The following EYS variants were observed in gnomAD, a reference collection of about 807,000 sequenced individuals.
EYS encodes protein eyes shut homolog.
In EYS, 250 loss-of-function variants were observed where a neutral mutation model predicts 282.1. The ratio of observed to expected loss-of-function variants is 0.89; its 90% confidence interval spans 0.80 to 0.98. The LOEUF (loss-of-function observed/expected upper bound fraction) is 0.98, where lower values mean the gene tolerates loss of function less well. EYS is among the 50% of genes least tolerant of loss of function. The probability of loss-of-function intolerance (pLI) is 0.00; values close to 1 mark genes in which losing one functional copy is unlikely to be tolerated. For synonymous variants in EYS, 1,355 were observed against 1,282.9 expected, an observed-to-expected ratio of 1.06 and a Z score of -1.20; for missense variants, 4,016 against 3,709.0, an observed-to-expected ratio of 1.08 and a Z score of -2.15.
chr6:65,207,832 A>T (rs1375687520), intron 12 of EYS, among the ~76,000 whole-genome samples: 1 of 151,692 alleles, frequency 6.6e-6, no homozygotes, highest in Non-Finnish European at 1.5e-5. Context: ...TACGTATAAC[A>T]ATGAAACTGG....
At chr6:64,395,809 AAAC>A (rs1773350755) in intron 28 of EYS, among the ~76,000 whole-genome samples, 1 of 152,050 alleles carries the variant, frequency 6.6e-6, no homozygotes, top group Non-Finnish European at 1.5e-5. Flanking sequence ...AAAAACAAAA[AAAC>A]AAAATAATAG....
rs1769270358 is a variant in EYS, at chr6:64,945,856, T to C, written c.2318A>G (p.Asn773Ser). Reference sequence around the variant, plus strand: ...CTTGCAAGGATTCATTTTACACTCATTGGATTCTTGTTCACAAAAATTTCC... The same window carrying C: ...CTTGCAAGGATTCATTTTACACTCACTGGATTCTTGTTCACAAAAATTTCC... ...WEGNFCEQES[N>S]ECKMNPCKNN... The change falls in exon 15 of 43, where the codon AAT (asparagine) becomes AGT (serine). Residue 773 changes from asparagine to serine, a missense_variant. Transcript: ENST00000503581. The C allele has an allele frequency of 7.7e-6, 12 of 1,549,366 alleles. No individual in the cohort carries two copies. In the East Asian group the frequency reaches 2.5e-4, roughly 32 times the overall value.
At chr6:65,228,778 T>G (rs935260641) in intron 12 of EYS, among the ~76,000 whole-genome samples, 4 of 152,082 alleles carry the variant, frequency 2.6e-5, no homozygotes, top group Admixed American at 2.0e-4. Flanking sequence ...AATGCTGTAG[T>G]AATCACAAGA....
At chr6:64,112,544 A>G (rs951780920) in intron 31 of EYS, among the ~76,000 whole-genome samples, 1 of 151,798 alleles carries the variant, frequency 6.6e-6, no homozygotes, top group African/African-American at 2.4e-5. Context: ...CACCATCTCA[A>G]ATACTTACCA....
Position 64,068,605 on chromosome 6 carries a change from G to T in EYS, c.6572-2114C>A, listed in dbSNP as rs560454935. ...AGCACACCATCGCACATGTAAACAT[G>T]TGTAACAAACCTGCAGTTTGTGCAC... On this transcript the variant is annotated intron_variant, in intron 32 of 42. Transcript: ENST00000503581. Among the ~76,000 whole-genome samples the T allele has an allele frequency of 2.0e-5, 3 of 151,940 alleles. No individual in the cohort carries two copies. In the East Asian group the frequency reaches 5.8e-4, roughly 29 times the overall value.
At chr6:64,099,507 A>G (rs748217226) in intron 31 of EYS, among the ~76,000 whole-genome samples, 2 of 152,206 alleles carry the variant, frequency 1.3e-5, no homozygotes, top group Admixed American at 1.3e-4. Flanking sequence ...CCAACACTGT[A>G]TCACAATTCA....
chr6:64,305,785 C>T (rs1302891492), intron 30 of EYS, among the ~76,000 whole-genome samples: 1 of 152,046 alleles, frequency 6.6e-6, no homozygotes, highest in African/African-American at 2.4e-5. Context: ...TAGTAGAAAA[C>T]ATAGGGAAAA....
intron 31 of EYS, among the ~76,000 whole-genome samples, chr6:64,160,729 A>G (rs1224329270): frequency 6.6e-6 from 1 of 152,218 alleles, no homozygotes; most frequent in Non-Finnish European, 1.5e-5. Context: ...GGATATGTGC[A>G]GCTATTTGAT....
At chr6:65,112,895 A>G (rs1419343497) in intron 12 of EYS, among the ~76,000 whole-genome samples, 1 of 152,114 alleles carries the variant, frequency 6.6e-6, no homozygotes, top group Non-Finnish European at 1.5e-5. Context: ...GTATATTTTT[A>G]CTATTTGCTT....
At chr6:64,653,100 T>C (rs965774294) in intron 22 of EYS, among the ~76,000 whole-genome samples, 5 of 86,928 alleles carry the variant, frequency 5.8e-5, no homozygotes, top group African/African-American at 2.0e-4. Flanking sequence ...CTGGTATCCC[T>C]AATTAAAATC....
chr6:64,523,658 G>A (rs1777827209), intron 26 of EYS, among the ~76,000 whole-genome samples: 1 of 151,594 alleles, frequency 6.6e-6, no homozygotes, highest in Admixed American at 6.6e-5. Context: ...TCTTGAGAGA[G>A]GAATGGGTGT....
At chr6:64,986,767 T>TTAACTACATTTAAAAAC (rs377129364) in intron 14 of EYS, among the ~76,000 whole-genome samples, 52,967 of 150,624 alleles carry the variant, frequency 0.35, 11,420 homozygotes, top group Admixed American at 0.49. Context: ...AAAATTGATG[T>TTAACTACATTTAAAAAC]ATTTTAGAAA....
chr6:64,129,024 C>A (rs909046152), intron 31 of EYS, among the ~76,000 whole-genome samples: 3 of 152,030 alleles, frequency 2.0e-5, no homozygotes, highest in Admixed American at 1.3e-4. Context: ...AAGTCTTGCC[C>A]ACTGCCTGTT....
intron 19 of EYS, among the ~76,000 whole-genome samples, chr6:64,851,774 A>C (rs4710500): frequency 0.15 from 23,228 of 151,986 alleles, 2,020 homozygotes; most frequent in East Asian, 0.43. Context: ...TACAGGGGAA[A>C]AATACACAGT....
chr6:65,333,499 G>T (rs1214937248), intron 11 of EYS, among the ~76,000 whole-genome samples: 1 of 151,476 alleles, frequency 6.6e-6, no homozygotes, highest in Non-Finnish European at 1.5e-5. Context: ...CATTTAAGAA[G>T]GTTATTCTGC....
chr6:64,393,975 T>G (rs573095832), intron 28 of EYS, among the ~76,000 whole-genome samples: 1 of 152,080 alleles, frequency 6.6e-6, no homozygotes, highest in African/African-American at 2.4e-5. Flanking sequence ...ACAAGCATTC[T>G]TATACACCAA....
chr6:65,323,450 T>A (rs1769532768), intron 11 of EYS, among the ~76,000 whole-genome samples: 1 of 152,198 alleles, frequency 6.6e-6, no homozygotes, highest in Non-Finnish European at 1.5e-5. Flanking sequence ...TTCTTACATC[T>A]CGGTCTTTGA....
intron 5 of EYS, among the ~76,000 whole-genome samples, chr6:65,411,812 C>T (rs947109232): frequency 4.0e-5 from 6 of 149,834 alleles, no homozygotes; most frequent in South Asian, 2.1e-4. Flanking sequence ...TGCACCAATA[C>T]GTCTTTTTTT....
At chr6:64,127,384 C>T (rs1298397107) in intron 31 of EYS, among the ~76,000 whole-genome samples, 4 of 151,766 alleles carry the variant, frequency 2.6e-5, no homozygotes, top group African/African-American at 7.3e-5. Context: ...AGGTAAGCTG[C>T]GAAAATTATT....
Sources: allele counts gnomAD v4.1 joint callset (sites outside exome capture counted in the v4.1 genomes callset), GRCh38; gene constraint gnomAD v4.1.1; transcripts MANE v1.5; gene names NCBI Gene and HGNC (gene_info 2026-07-23, HGNC 2026-07-21).